Variants in ESRRG observed in about 807,000 individuals in gnomAD.
ESRRG encodes the protein estrogen-related receptor gamma.
Under a neutral mutation model 44.0 loss-of-function variants are expected in ESRRG, and 13 were observed. That is an observed-to-expected ratio of 0.30 (90% CI 0.19 to 0.47). The LOEUF (loss-of-function observed/expected upper bound fraction) is 0.47, where lower values mean the gene tolerates loss of function less well. Among genes scored for constraint, ESRRG ranks in the 20% least tolerant of loss-of-function variants. The pLI, the probability that ESRRG is intolerant of heterozygous loss-of-function variation, is 1.00. For synonymous variants in ESRRG, 215 were observed against 214.6 expected, an observed-to-expected ratio of 1.00 and a Z score of -0.02; for missense variants, 395 against 580.6, an observed-to-expected ratio of 0.68 and a Z score of 3.29.
chr1:217,041,691 T>A (rs2083895066), intron 1 of ESRRG, among the ~76,000 whole-genome samples: 1 of 152,110 alleles, frequency 6.6e-6, no homozygotes, highest in South Asian at 2.1e-4. Context: ...TATCAGAGAG[T>A]AAACAGGCAT....
At chr1:216,559,069 C>T (rs1353110546) in intron 5 of ESRRG, among the ~76,000 whole-genome samples, 1 of 151,958 alleles carries the variant, frequency 6.6e-6, no homozygotes, top group Non-Finnish European at 1.5e-5. Flanking sequence ...GGGGTTTTGC[C>T]ATGTTGGCCA....
chr1:216,576,526 C>T (rs1236535196), intron 3 of ESRRG, among the ~76,000 whole-genome samples: 1 of 151,990 alleles, frequency 6.6e-6, no homozygotes, highest in African/African-American at 2.4e-5. Context: ...GGCTTCCCTC[C>T]GTTTCGGATT....
At chr1:216,622,611 C>T (rs11585300) in intron 3 of ESRRG, among the ~76,000 whole-genome samples, 5 of 113,326 alleles carry the variant, frequency 4.4e-5, no homozygotes, top group Non-Finnish European at 6.4e-5. Flanking sequence ...ATGAAAATTA[C>T]ACACACGCAC....
intron 2 of ESRRG, among the ~76,000 whole-genome samples, chr1:216,933,838 T>C (rs1020540369): frequency 2.0e-5 from 3 of 152,130 alleles, no homozygotes. Flanking sequence ...CTTGTATTCC[T>C]CAATTGCATT....
intron 2 of ESRRG, among the ~76,000 whole-genome samples, chr1:216,920,422 G>C (rs1184862354): frequency 2.0e-5 from 1 of 49,982 alleles, no homozygotes; most frequent in South Asian, 8.4e-4. Context: ...GTGTGTGTGC[G>C]CATATTTTTC....
intron 2 of ESRRG, among the ~76,000 whole-genome samples, chr1:216,779,204 AAT>A (rs1183083135): frequency 2.4e-5 from 1 of 41,418 alleles, no homozygotes; most frequent in Non-Finnish European, 4.3e-5. Flanking sequence ...TATATTTATA[AAT>A]ATAAATATAT....
At chr1:216,554,321 G>A (rs1374032536) in intron 5 of ESRRG, among the ~76,000 whole-genome samples, 1 of 151,962 alleles carries the variant, frequency 6.6e-6, no homozygotes, top group Non-Finnish European at 1.5e-5. Flanking sequence ...GGACTTGGTG[G>A]CATGCACCTG....
At chr1:217,011,354 A>G (rs1464593235) in intron 1 of ESRRG, among the ~76,000 whole-genome samples, 1 of 152,182 alleles carries the variant, frequency 6.6e-6, no homozygotes, top group African/African-American at 2.4e-5. Context: ...TTATTGGTGG[A>G]CACTACAATG....
At position 217,071,284 on chromosome 1, in the gene ESRRG, C is replaced by T. The variant is rs534973007; in HGVS notation, c.-106+18223G>A. ...AAAAACAAACAAACAAACAAAAACACCTTTCCCACAAGCCCTGCAAATTTT... is the reference window on the plus strand; with the variant it reads ...AAAAACAAACAAACAAACAAAAACATCTTTCCCACAAGCCCTGCAAATTTT... On this transcript the variant is annotated intron_variant, in intron 1 of 7. Transcript: ENST00000359162. 6.6e-5 allele frequency among the ~76,000 whole-genome samples: 10 copies of T among 152,166 alleles called. No individual in the cohort carries two copies. The South Asian group carries it at 2.1e-3, about 32-fold the overall frequency.
chr1:216,549,899 T>A (rs556736232), intron 5 of ESRRG, among the ~76,000 whole-genome samples: 1 of 152,254 alleles, frequency 6.6e-6, no homozygotes, highest in African/African-American at 2.4e-5. Context: ...AGAGAGGAAA[T>A]ATAGAAGATT....
At chr1:216,676,901 C>G (rs1038421811) in intron 2 of ESRRG, among the ~76,000 whole-genome samples, 175 bp downstream of exon 2, 1 of 152,168 alleles carries the variant, frequency 6.6e-6, no homozygotes, top group African/African-American at 2.4e-5. Context: ...TGGAGTATAT[C>G]TGGGGGGATT....
chr1:216,730,344 A>G (rs1351143703), intron 2 of ESRRG, among the ~76,000 whole-genome samples: 1 of 151,944 alleles, frequency 6.6e-6, no homozygotes, highest in Non-Finnish European at 1.5e-5. Context: ...AAAGAAAGAA[A>G]GAAAAAAAGG....
intron 2 of ESRRG, among the ~76,000 whole-genome samples, chr1:216,778,901 A>G (rs1167556935): frequency 1.3e-5 from 2 of 150,882 alleles, no homozygotes; most frequent in Admixed American, 6.7e-5. Context: ...AAAGAAACCT[A>G]TCTATGCAAC....
At chr1:217,054,099 C>A (rs557304535) in intron 1 of ESRRG, among the ~76,000 whole-genome samples, 3 of 151,260 alleles carry the variant, frequency 2.0e-5, no homozygotes, top group African/African-American at 7.3e-5. Context: ...ATGAAAAAAG[C>A]CCATTGTACA....
intron 3 of ESRRG, among the ~76,000 whole-genome samples, chr1:216,596,291 A>G (rs2058426962): frequency 6.6e-6 from 1 of 151,770 alleles, no homozygotes; most frequent in African/African-American, 2.4e-5. Context: ...TGCCAACTCC[A>G]CTCTCTGTAA....
chr1:216,987,239 T>A lies in ESRRG; in HGVS notation c.-105-47566A>T, dbSNP rs926577915. Among the ~76,000 whole-genome samples, 5 of 152,228 alleles carry A rather than the reference T, an allele frequency of 3.3e-5. No individual in the cohort carries two copies. In the South Asian group the frequency reaches 1.0e-3, roughly 31 times the overall value. On this transcript the variant is annotated intron_variant, in intron 1 of 7. Transcript: ENST00000359162. ...TTTGCACCTAATTTTGCATTTTTAGTTTGATATCCTTTCTCTAACATAGCT... is the reference window on the plus strand; with the variant it reads ...TTTGCACCTAATTTTGCATTTTTAGATTGATATCCTTTCTCTAACATAGCT...
chr1:216,852,710 A>G (rs1207625449), intron 2 of ESRRG, among the ~76,000 whole-genome samples: 1 of 152,212 alleles, frequency 6.6e-6, no homozygotes, highest in Non-Finnish European at 1.5e-5. Context: ...ACAGTTGAAT[A>G]ATCTGATTTT....
rs72737325 is a variant in ESRRG at position 216,591,550 on chromosome 1, C to T, written c.590-23452G>A. On this transcript the variant is annotated intron_variant, in intron 3 of 6. Coordinates refer to ENST00000408911, the MANE Select transcript of ESRRG (RefSeq NM_001438.4). ...TCAAAAACAATAACAGTAGTATCTACATCTTGGTTTCTTAATTTCATTTTA... is the reference window on the plus strand; with the variant it reads ...TCAAAAACAATAACAGTAGTATCTATATCTTGGTTTCTTAATTTCATTTTA... Among the ~76,000 whole-genome samples, 335 of 152,318 alleles carry T rather than the reference C, an allele frequency of 2.2e-3. 1 individual carries two copies. The highest frequency in any genetic ancestry group is 4.1e-3 in the South Asian group (20 of 4,820).
At chr1:216,653,520 C>T (rs964217481) in intron 2 of ESRRG, among the ~76,000 whole-genome samples, 5 of 152,120 alleles carry the variant, frequency 3.3e-5, no homozygotes, top group African/African-American at 7.2e-5. Flanking sequence ...TTGAGGCAGC[C>T]AATTTGATTT....
Sources: allele counts gnomAD v4.1 joint callset (sites outside exome capture counted in the v4.1 genomes callset), GRCh38; gene constraint gnomAD v4.1.1; transcripts MANE v1.5; gene names NCBI Gene and HGNC (gene_info 2026-07-23, HGNC 2026-07-21).